The following DNM3 variants were observed in gnomAD, a reference collection of about 807,000 sequenced individuals.
DNM3 encodes the protein dynamin-3.
Under a neutral mutation model 101.6 loss-of-function variants are expected in DNM3, and 47 were observed. That is an observed-to-expected ratio of 0.46 (90% confidence interval 0.37 to 0.59). The LOEUF (loss-of-function observed/expected upper bound fraction) is 0.59, where lower values mean the gene tolerates loss of function less well. DNM3 is among the 20% of genes least tolerant of loss of function. The pLI is 0.00. For missense variants in DNM3, 849 were observed against 1,085.7 expected (o/e 0.78, Z 3.06); for synonymous variants, 385 against 387.9 (o/e 0.99, Z 0.09).
chr1:172,027,379 T>G (rs1421938817), intron 4 of DNM3, among the ~76,000 whole-genome samples: 1 of 151,938 alleles, frequency 6.6e-6, no homozygotes, highest in East Asian at 1.9e-4. Context: ...GGTCAGGAGT[T>G]CGAGACCAGC....
intron 1 of DNM3, among the ~76,000 whole-genome samples, chr1:171,855,249 G>A (rs929366540): frequency 4.6e-5 from 7 of 152,126 alleles, no homozygotes; most frequent in African/African-American, 1.7e-4. Context: ...TGGTATATAT[G>A]TACCATATTT....
intron 2 of DNM3, among the ~76,000 whole-genome samples, chr1:171,942,576 C>T (rs946104728): frequency 1.3e-5 from 2 of 152,206 alleles, no homozygotes; most frequent in Non-Finnish European, 2.9e-5. Flanking sequence ...GTACCAGACA[C>T]ATATTGAACG....
chr1:171,841,864 C>G (rs752363367), intron 1 of DNM3, 47 bp downstream of exon 1: 56 of 1,567,110 alleles, frequency 3.6e-5, no homozygotes, highest in Non-Finnish European at 4.8e-5. Flanking sequence ...GGGGCGACCC[C>G]GCTGCGGGCC....
chr1:172,258,556 T>A (rs1488246387), intron 15 of DNM3, among the ~76,000 whole-genome samples: 1 of 152,226 alleles, frequency 6.6e-6, no homozygotes, highest in South Asian at 2.1e-4. Flanking sequence ...TAGTGCATAG[T>A]TTTTCATAAT....
At chr1:172,292,077 A>G (rs1420864944) in intron 15 of DNM3, among the ~76,000 whole-genome samples, 1 of 152,210 alleles carries the variant, frequency 6.6e-6, no homozygotes, top group Non-Finnish European at 1.5e-5. Flanking sequence ...ATAGGAGGTC[A>G]CGTGCACAGG....
At chr1:172,145,717 C>T (rs950112201) in intron 14 of DNM3, among the ~76,000 whole-genome samples, 2 of 152,172 alleles carry the variant, frequency 1.3e-5, no homozygotes, top group African/African-American at 2.4e-5. Context: ...TCTAACAAAT[C>T]GCCTCTGGTA....
intron 4 of DNM3, among the ~76,000 whole-genome samples, chr1:171,993,122 AAG>A (rs926975665): frequency 6.6e-6 from 1 of 152,118 alleles, no homozygotes; most frequent in African/African-American, 2.4e-5. Flanking sequence ...TATGAGAAAA[AAG>A]AGTTACAAAC....
At chr1:172,163,883 G>GTATA (rs1265028722) in intron 14 of DNM3, among the ~76,000 whole-genome samples, 1 of 101,204 alleles carries the variant, frequency 9.9e-6, no homozygotes, top group African/African-American at 7.3e-5. Context: ...ATATGTATGT[G>GTATA]TATATATGTA....
intron 15 of DNM3, among the ~76,000 whole-genome samples, chr1:172,300,463 A>G (rs1440062351): frequency 6.6e-6 from 1 of 152,066 alleles, no homozygotes; most frequent in Non-Finnish European, 1.5e-5. Context: ...AATTCTTGCC[A>G]AGACCAATTC....
At chr1:172,319,324 A>C (rs1167382830) in intron 16 of DNM3, among the ~76,000 whole-genome samples, 3 of 152,208 alleles carry the variant, frequency 2.0e-5, no homozygotes, top group South Asian at 2.1e-4. Flanking sequence ...GGACATAGGC[A>C]TGGGCAAGGA....
intron 4 of DNM3, among the ~76,000 whole-genome samples, chr1:172,005,642 C>A (rs182559043): frequency 2.6e-5 from 4 of 151,920 alleles, no homozygotes; most frequent in Non-Finnish European, 5.9e-5. Flanking sequence ...TGTGTGTGTG[C>A]GCACTGGTTG....
chr1:172,247,575 T>A (rs2062000954), intron 14 of DNM3, among the ~76,000 whole-genome samples: 1 of 152,088 alleles, frequency 6.6e-6, no homozygotes, highest in Non-Finnish European at 1.5e-5. Context: ...GTGCCATTAG[T>A]GCATATTTAA....
intron 15 of DNM3, among the ~76,000 whole-genome samples, chr1:172,307,283 A>G (rs2064870568): frequency 6.6e-6 from 1 of 151,398 alleles, no homozygotes. Context: ...AATGCTCATC[A>G]TCACTGATCA....
At chr1:172,240,354 C>G (rs1385337039) in intron 14 of DNM3, among the ~76,000 whole-genome samples, 2 of 152,100 alleles carry the variant, frequency 1.3e-5, no homozygotes, top group African/African-American at 2.4e-5. Context: ...GGGGAACATT[C>G]AGCTTTGATT....
At chr1:172,335,857 G>C (rs1290360713) in intron 17 of DNM3, among the ~76,000 whole-genome samples, 1 of 152,082 alleles carries the variant, frequency 6.6e-6, no homozygotes, top group Non-Finnish European at 1.5e-5. Flanking sequence ...CAGTACCTGG[G>C]TGACAGGATC....
chr1:172,145,672 T>G (rs951149477), intron 14 of DNM3, among the ~76,000 whole-genome samples: 1 of 152,168 alleles, frequency 6.6e-6, no homozygotes, highest in African/African-American at 2.4e-5. Flanking sequence ...CAGTTTTTGT[T>G]TGAAGCATCC....
At chr1:172,228,170 T>G (rs1195816162) in intron 14 of DNM3, among the ~76,000 whole-genome samples, 1 of 152,046 alleles carries the variant, frequency 6.6e-6, no homozygotes, top group Non-Finnish European at 1.5e-5. Flanking sequence ...TTGCTATGAG[T>G]CTTTTATAGT....
intron 17 of DNM3, among the ~76,000 whole-genome samples, chr1:172,357,121 A>T (rs564406610): frequency 6.6e-6 from 1 of 152,224 alleles, no homozygotes; most frequent in Admixed American, 6.5e-5. Flanking sequence ...CCTCATAATT[A>T]ATTAATTTAG....
chr1:172,273,041 G>A (rs6424841), intron 15 of DNM3, among the ~76,000 whole-genome samples: 55,169 of 151,870 alleles, frequency 0.36, 12,376 homozygotes, highest in Non-Finnish European at 0.47. Context: ...CTCAAAATGA[G>A]GCTGTAACTT....
Sources: allele counts gnomAD v4.1 joint callset (sites outside exome capture counted in the v4.1 genomes callset), GRCh38; gene constraint gnomAD v4.1.1; transcripts MANE v1.5; gene names NCBI Gene and HGNC (gene_info 2026-07-23, HGNC 2026-07-21).